Variants in CDH12 observed in about 807,000 individuals in gnomAD.
CDH12 encodes the protein cadherin-12.
Under a neutral mutation model 74.1 loss-of-function variants are expected in CDH12, and 41 were observed. The ratio of observed to expected loss-of-function variants is 0.55; its 90% confidence interval spans 0.43 to 0.72. The LOEUF is 0.72. CDH12 is among the 30% of genes least tolerant of loss of function. The pLI is 0.00. For missense variants in CDH12, 945 were observed against 977.2 expected (o/e 0.97, Z 0.44); for synonymous variants, 399 against 355.0 (o/e 1.12, Z -1.39).
chr5:22,244,730 A>C (rs1430887412), intron 3 of CDH12, among the ~76,000 whole-genome samples: 1 of 130,124 alleles, frequency 7.7e-6, no homozygotes, highest in Non-Finnish European at 1.6e-5. Flanking sequence ...AGAAAGAAAA[A>C]GAAAGAAAGA....
intron 6 of CDH12, among the ~76,000 whole-genome samples, chr5:21,970,553 T>C (rs1756797480): frequency 6.6e-6 from 1 of 152,002 alleles, no homozygotes; most frequent in African/African-American, 2.4e-5. Context: ...AAGTAGTCTC[T>C]GGTTGGCTGG....
chr5:22,727,441 A>G (rs1744216999), intron 1 of CDH12, among the ~76,000 whole-genome samples: 1 of 151,768 alleles, frequency 6.6e-6, no homozygotes, highest in Non-Finnish European at 1.5e-5. Context: ...GCTAGAAAAG[A>G]CAAGAAAATT....
chr5:21,930,092 A>T (rs1461607522), intron 6 of CDH12, among the ~76,000 whole-genome samples: 1 of 152,210 alleles, frequency 6.6e-6, no homozygotes, highest in Non-Finnish European at 1.5e-5. Flanking sequence ...AATATGGATA[A>T]TCTTGATTTG....
chr5:22,187,679 A>G (rs1428962579), intron 4 of CDH12, among the ~76,000 whole-genome samples: 4 of 150,752 alleles, frequency 2.7e-5, no homozygotes, highest in Non-Finnish European at 4.4e-5. Flanking sequence ...GAAAGAAAGA[A>G]AAAACTACAT....
chr5:22,645,299 T>C (rs1220256338), intron 1 of CDH12, among the ~76,000 whole-genome samples: 2 of 152,084 alleles, frequency 1.3e-5, no homozygotes, highest in African/African-American at 2.4e-5. Context: ...AAGAAATTAA[T>C]TCCAACTCTT....
chr5:22,359,788 A>G lies in CDH12; in HGVS notation c.-333+45469T>C, dbSNP rs550393888. Among the ~76,000 whole-genome samples, 8 of 152,254 alleles carry G rather than the reference A, an allele frequency of 5.3e-5. No individual in the cohort carries two copies. In the South Asian group the frequency reaches 1.7e-3, roughly 32 times the overall value. On this transcript the variant is annotated intron_variant, in intron 3 of 14. Coordinates refer to ENST00000382254, the MANE Select transcript of CDH12 (RefSeq NM_004061.5). ...AGGATTTAGAAATTCACTCAAAACC[A>G]CTCAACTACATGGAAACTGAACAAC... is the stretch of plus-strand genomic sequence containing the variant.
chr5:22,114,813 T>C (rs1166154634), intron 4 of CDH12, among the ~76,000 whole-genome samples: 2 of 152,192 alleles, frequency 1.3e-5, no homozygotes, highest in Non-Finnish European at 2.9e-5. Flanking sequence ...GTACATTACA[T>C]ACCATTTCTT....
At chr5:21,913,111 A>C (rs1368677192) in intron 6 of CDH12, among the ~76,000 whole-genome samples, 3 of 152,108 alleles carry the variant, frequency 2.0e-5, no homozygotes, top group Non-Finnish European at 2.9e-5. Context: ...CCAAAGTGCT[A>C]GGATTACAGA....
At chr5:22,091,078 G>T (rs1349447597) in intron 4 of CDH12, among the ~76,000 whole-genome samples, 1 of 151,284 alleles carries the variant, frequency 6.6e-6, no homozygotes, top group African/African-American at 2.4e-5. Flanking sequence ...GGTTTTATTA[G>T]GCAAATTAGA....
chr5:22,212,725 G>A (rs534135769), intron 3 of CDH12, 82 bp from the exon 4 acceptor site: 173 of 336,732 alleles, frequency 5.1e-4, no homozygotes, highest in Middle Eastern at 3.1e-3. Context: ...CTGAACGGGA[G>A]ATTCTCCGTG....
intron 6 of CDH12, among the ~76,000 whole-genome samples, chr5:21,872,790 C>T (rs1033448444): frequency 3.8e-5 from 4 of 103,908 alleles, no homozygotes. Context: ...TAAGATCTAT[C>T]TATCTATCTA....
chr5:22,632,915 C>T (rs528481723), intron 1 of CDH12, among the ~76,000 whole-genome samples: 14 of 150,704 alleles, frequency 9.3e-5, no homozygotes, highest in Non-Finnish European at 1.8e-4. Flanking sequence ...AAAGAAGAAC[C>T]TCAAAAGCAG....
intron 4 of CDH12, among the ~76,000 whole-genome samples, chr5:22,178,066 C>T (rs1008094757): frequency 2.0e-5 from 3 of 152,134 alleles, no homozygotes; most frequent in African/African-American, 7.2e-5. Flanking sequence ...TGGCATGTAT[C>T]CACACCGTGT....
rs1339470486 is a variant in CDH12 at position 22,257,490 on chromosome 5, T to C, written c.-332-44847A>G. ...AATTTTTATTTTTTATTTTTATTTA[T>C]TTATTTATTTATTTATTTATTTATT... On this transcript the variant is annotated intron_variant, in intron 3 of 14. Transcript: ENST00000382254. Among the ~76,000 whole-genome samples the C allele has an allele frequency of 2.7e-5, 4 of 150,468 alleles. No homozygotes were observed. The Admixed American group carries it at 2.7e-4, about 10-fold the overall frequency.
chr5:22,050,721 T>C (rs1740298915), intron 5 of CDH12, among the ~76,000 whole-genome samples: 1 of 152,084 alleles, frequency 6.6e-6, no homozygotes, highest in Admixed American at 6.6e-5. Context: ...TTACAAAAAA[T>C]TGAGGAAATT....
rs1157793369 is a variant in CDH12, at chr5:22,420,754, T to C, written c.-427-15403A>G. The stretch of plus-strand genomic sequence containing the variant: ...AATGTCAATGGTAGTTTAATGGGAA[T>C]ATCATTGAATCTATAAATTACTTTC... On this transcript the variant is annotated intron_variant, in intron 2 of 14. Transcript: ENST00000382254. 3.3e-5 allele frequency among the ~76,000 whole-genome samples: 5 copies of C among 152,310 alleles called. No individual in the cohort carries two copies. The East Asian group carries it at 9.6e-4, about 29-fold the overall frequency.
At chr5:22,341,438 C>A (rs879925422) in intron 3 of CDH12, among the ~76,000 whole-genome samples, 1 of 152,104 alleles carries the variant, frequency 6.6e-6, no homozygotes, top group Non-Finnish European at 1.5e-5. Flanking sequence ...ATAAGGAATG[C>A]CATTTGGACT....
intron 6 of CDH12, among the ~76,000 whole-genome samples, chr5:21,945,938 C>A (rs563986082): frequency 1.3e-5 from 2 of 150,998 alleles, no homozygotes; most frequent in East Asian, 1.9e-4. Flanking sequence ...AGAAACAGAG[C>A]AAATCTTAAA....
chr5:22,032,815 TACACACACACACAC>T (rs757479604), intron 5 of CDH12, among the ~76,000 whole-genome samples: 1 of 146,762 alleles, frequency 6.8e-6, no homozygotes, highest in Non-Finnish European at 1.5e-5. Context: ...TGTGTATATA[TACACACACACACAC>T]ACACACGCAC....
Sources: allele counts gnomAD v4.1 joint callset (sites outside exome capture counted in the v4.1 genomes callset), GRCh38; gene constraint gnomAD v4.1.1; transcripts MANE v1.5; gene names NCBI Gene and HGNC (gene_info 2026-07-23, HGNC 2026-07-21).